COLEC12: variants seen among roughly 807,000 people sequenced by gnomAD.
COLEC12 encodes the protein collectin-12.
In COLEC12, 33 loss-of-function variants were observed where a neutral mutation model predicts 71.1. The observed-to-expected ratio is 0.46, with a 90% CI of 0.35 to 0.62. The LOEUF is 0.62. Among genes scored for constraint, COLEC12 ranks in the 20% least tolerant of loss-of-function variants. The pLI, the probability that COLEC12 is intolerant of heterozygous loss-of-function variation, is 0.00. For synonymous variants in COLEC12, 350 were observed against 353.0 expected (o/e 0.99, Z 0.10); for missense variants, 765 against 916.1 (o/e 0.84, Z 2.13).
intron 8 of COLEC12, among the ~76,000 whole-genome samples, chr18:322,960 C>T (rs1913746851): frequency 6.6e-6 from 1 of 152,198 alleles, no homozygotes; most frequent in Admixed American, 6.5e-5. Context: ...CGTAGTGGCT[C>T]ATGCCTGTAA....
chr18:439,837 T>G (rs1264880343), intron 2 of COLEC12, among the ~76,000 whole-genome samples: 1 of 152,214 alleles, frequency 6.6e-6, no homozygotes, highest in Non-Finnish European at 1.5e-5. Flanking sequence ...ATTTCACTTC[T>G]GGGTATATAT....
intron 2 of COLEC12, among the ~76,000 whole-genome samples, chr18:366,661 G>T (rs1337038568): frequency 6.6e-6 from 1 of 152,238 alleles, no homozygotes; most frequent in Non-Finnish European, 1.5e-5. Context: ...CTTAACAAAG[G>T]CATGACTGGA....
chr18:357,907 G>T (rs759627008), intron 2 of COLEC12, among the ~76,000 whole-genome samples: 1 of 152,190 alleles, frequency 6.6e-6, no homozygotes, highest in Non-Finnish European at 1.5e-5. Context: ...GTTAGGAACC[G>T]GCTGCACAGC....
chr18:351,658 C>T (rs567132234), intron 3 of COLEC12, among the ~76,000 whole-genome samples: 1 of 152,304 alleles, frequency 6.6e-6, no homozygotes, highest in African/African-American at 2.4e-5. Context: ...ACCTCCGCCT[C>T]CCAGGTTCAA....
chr18:358,957 C>T (rs1236224803), intron 2 of COLEC12, among the ~76,000 whole-genome samples: 1 of 152,180 alleles, frequency 6.6e-6, no homozygotes, highest in Admixed American at 6.5e-5. Context: ...TTACGTGGCA[C>T]ATGACTGTAG....
chr18:347,435 G>A (rs1431363082), intron 4 of COLEC12, 94 bp from the exon 5 acceptor site: 2 of 1,024,628 alleles, frequency 2.0e-6, no homozygotes, highest in Middle Eastern at 2.1e-4. Flanking sequence ...GGTATGCACT[G>A]TATTTTAGAT....
At chr18:371,042 C>T (rs1450884189) in intron 2 of COLEC12, among the ~76,000 whole-genome samples, 3 of 152,208 alleles carry the variant, frequency 2.0e-5, no homozygotes, top group Non-Finnish European at 2.9e-5. Context: ...ATGCAATGTT[C>T]CTTCCTGCTG....
rs73356595 is a variant in COLEC12 at position 427,722 on chromosome 18, G to A, written c.58+52985C>T. Among the ~76,000 whole-genome samples the A allele has an allele frequency of 5.9e-3, 903 of 152,184 alleles. 12 individuals are homozygous for A. The highest frequency in any genetic ancestry group is 0.018 in the African/African-American group (763 of 41,520). ...CCTCAAATGTGCATTGAATTGAATCGAATGCGCACCTATTGACTACATTTA... is the reference window on the plus strand; with the variant it reads ...CCTCAAATGTGCATTGAATTGAATCAAATGCGCACCTATTGACTACATTTA... On this transcript the variant is annotated intron_variant, in intron 2 of 9. Coordinates refer to ENST00000400256, the MANE Select transcript of COLEC12 (RefSeq NM_130386.3).
chr18:354,206 G>A (rs967399544), intron 3 of COLEC12, among the ~76,000 whole-genome samples: 20 of 152,226 alleles, frequency 1.3e-4, no homozygotes, highest in African/African-American at 3.1e-4. Flanking sequence ...AAAGCCCGGG[G>A]CAGAGGATGT....
At chr18:344,183 T>C (rs1283362844) in intron 5 of COLEC12, among the ~76,000 whole-genome samples, 2 of 152,186 alleles carry the variant, frequency 1.3e-5, no homozygotes, top group Non-Finnish European at 2.9e-5. Context: ...ACACCTACCA[T>C]ATCCCTGACC....
chr18:481,737 A>G (rs1316467749), intron 1 of COLEC12, among the ~76,000 whole-genome samples: 1 of 151,998 alleles, frequency 6.6e-6, no homozygotes, highest in Non-Finnish European at 1.5e-5. Context: ...ATGTTTTATC[A>G]CCCAACCTTT....
intron 2 of COLEC12, among the ~76,000 whole-genome samples, chr18:474,237 G>A (rs552247204): frequency 7.2e-4 from 110 of 152,296 alleles, no homozygotes; most frequent in Middle Eastern, 6.8e-3. Flanking sequence ...AACCTTGGGA[G>A]CTTTGGCTCT....
intron 2 of COLEC12, among the ~76,000 whole-genome samples, chr18:396,754 A>G (rs1915580490): frequency 6.6e-6 from 1 of 152,250 alleles, no homozygotes; most frequent in Admixed American, 6.5e-5. Context: ...GCAAGAGCTC[A>G]TAGGCCTTTT....
At chr18:374,015 G>A (rs906058227) in intron 2 of COLEC12, among the ~76,000 whole-genome samples, 1 of 152,136 alleles carries the variant, frequency 6.6e-6, no homozygotes, top group African/African-American at 2.4e-5. Context: ...AAACACCTAA[G>A]TCCTAGGGTG....
chr18:319,363 TAC>T lies in COLEC12; in HGVS notation c.*680_*681del, dbSNP rs199877238. 0.43 allele frequency: 43,230 copies of T among 99,582 alleles called. 10,092 individuals carry two copies. Among genetic ancestry groups the T allele is most frequent in the Non-Finnish European group, 0.51 (24,868 of 48,950 alleles). The allele number at this position is 99,582 out of a possible 1,614,324, so 6.2% of individuals were successfully genotyped here. Reference sequence around the variant, plus strand: ...AAAAATATATATATATATATATATATACACATGTATATTTAATTATTTTTTTA... The same window carrying T: ...AAAAATATATATATATATATATATATACATGTATATTTAATTATTTTTTTA... On this transcript the variant is annotated 3_prime_UTR_variant, in exon 10 of 10. Transcript: ENST00000400256.
chr18:492,664 A>G (rs1360688816), intron 1 of COLEC12, among the ~76,000 whole-genome samples: 5 of 152,160 alleles, frequency 3.3e-5, no homozygotes, highest in African/African-American at 7.2e-5. Context: ...ATTTGGCAAG[A>G]AAAACTAATG....
At chr18:349,290 C>T (rs138207414) in intron 3 of COLEC12, among the ~76,000 whole-genome samples, 19 of 152,286 alleles carry the variant, frequency 1.2e-4, no homozygotes, top group South Asian at 2.1e-4. Context: ...GAGCTGGGGC[C>T]GTGGCTTCAG....
chr18:430,805 A>C (rs1916288063), intron 2 of COLEC12, among the ~76,000 whole-genome samples: 1 of 152,222 alleles, frequency 6.6e-6, no homozygotes. Context: ...ACACAAAATA[A>C]ATATAGTAAT....
intron 2 of COLEC12, among the ~76,000 whole-genome samples, chr18:473,386 G>C (rs1239311295): frequency 7.6e-6 from 1 of 130,948 alleles, no homozygotes; most frequent in Non-Finnish European, 1.7e-5. Context: ...TTTTTGAAAC[G>C]GAGTTTCGCT....
Sources: gnomAD v4.1 joint callset for allele counts (sites outside exome capture counted in the v4.1 genomes callset) on GRCh38, gnomAD v4.1.1 for gene constraint, MANE v1.5 for transcripts, NCBI Gene and HGNC (gene_info 2026-07-23, HGNC 2026-07-21) for gene names.